HMBOX1: variants seen among roughly 807,000 people sequenced by gnomAD.
The protein encoded by HMBOX1 is homeobox containing 1.
In HMBOX1, 14 loss-of-function variants were observed where a neutral mutation model predicts 54.5. The observed-to-expected ratio is 0.26, with a 90% CI of 0.17 to 0.40. The LOEUF is 0.40. HMBOX1 is among the 10% of genes least tolerant of loss of function. The pLI is 1.00. For missense variants in HMBOX1, 332 were observed against 514.4 expected (o/e 0.65, Z 3.43); for synonymous variants, 160 against 181.0 (o/e 0.88, Z 0.93).
Position 29,009,097 on chromosome 8 carries a change from T to C in HMBOX1, c.612T>C (p.His204=). 1.2e-5 allele frequency: 20 copies of C among 1,613,522 alleles called. No homozygotes were observed. The highest frequency in any genetic ancestry group is 1.7e-5 in the Non-Finnish European group (20 of 1,179,478). The change falls in exon 5 of 10, where the codon CAT becomes CAC. Residue 204 remains histidine, a synonymous_variant. Coordinates refer to ENST00000287701, the MANE Select transcript of HMBOX1 (RefSeq NM_001135726.3). ...VTGISQSRIS[H]WLLQQGSDLS... The stretch of plus-strand genomic sequence containing the variant: ...GTATCAGTCAGAGCCGGATCTCTCA[T>C]TGGCTGTTGCAGCAGGGATCAGACC...
At chr8:28,975,949 A>C (rs1828285228) in intron 3 of HMBOX1, among the ~76,000 whole-genome samples, 1 of 152,182 alleles carries the variant, frequency 6.6e-6, no homozygotes, top group Non-Finnish European at 1.5e-5. Context: ...AAGAAGGCTG[A>C]ATGAGGAGAG....
intron 4 of HMBOX1, among the ~76,000 whole-genome samples, chr8:28,997,743 G>A (rs1832081561): frequency 6.6e-6 from 1 of 152,060 alleles, no homozygotes; most frequent in African/African-American, 2.4e-5. Flanking sequence ...CAGAGATGGT[G>A]TCTTCCTATG....
At chr8:28,900,269 A>ATATATATATATATATATAT (rs1422463025) in intron 1 of HMBOX1, among the ~76,000 whole-genome samples, 39 of 69,152 alleles carry the variant, frequency 5.6e-4, no homozygotes, top group Non-Finnish European at 1.0e-3. Flanking sequence ...AAAAAAAAAA[A>ATATATATATATATATATAT]AAATATATAT....
intron 6 of HMBOX1, among the ~76,000 whole-genome samples, chr8:29,041,387 T>C (rs1012402566): frequency 6.6e-6 from 1 of 152,124 alleles, no homozygotes; most frequent in Non-Finnish European, 1.5e-5. Context: ...ATCCATTTCT[T>C]TTGGAGGCCC....
chr8:28,982,164 C>T (rs563114552), intron 4 of HMBOX1, among the ~76,000 whole-genome samples: 4 of 152,244 alleles, frequency 2.6e-5, no homozygotes, highest in Admixed American at 2.0e-4. Context: ...ACCTGGGAAG[C>T]GGAGCTTGCA....
chr8:28,928,982 AC>A (rs1039754404), intron 1 of HMBOX1, among the ~76,000 whole-genome samples: 57 of 152,224 alleles, frequency 3.7e-4, no homozygotes, highest in African/African-American at 1.4e-3. Context: ...TAAGATGAAT[AC>A]GTTCTGGAGA....
intron 4 of HMBOX1, among the ~76,000 whole-genome samples, chr8:28,980,820 C>T (rs7837373): frequency 0.056 from 8,572 of 152,006 alleles, 310 homozygotes; most frequent in Non-Finnish European, 0.082. Context: ...TTATAAGACC[C>T]TTAAAAAAAG....
chr8:29,023,923 T>C (rs1045346748), intron 6 of HMBOX1, among the ~76,000 whole-genome samples: 9 of 152,204 alleles, frequency 5.9e-5, no homozygotes, highest in Non-Finnish European at 4.4e-5. Flanking sequence ...GGCAGAGATA[T>C]ATTTTGAAAA....
At position 28,900,254 on chromosome 8, in the gene HMBOX1, CAA is replaced by C. The variant is rs1215445461; in HGVS notation, c.-58+9593_-58+9594del. ...TGGGCTACAGAGCAAGATTCCGTCT[CAA>C]AAAAAAAAAAAAAAAATATATATAT... On this transcript the variant is annotated intron_variant, in intron 1 of 9. Coordinates refer to ENST00000287701, the MANE Select transcript of HMBOX1 (RefSeq NM_001135726.3). 3.8e-3 allele frequency among the ~76,000 whole-genome samples: 360 copies of C among 94,874 alleles called. 4 individuals carry two copies. The highest frequency in any genetic ancestry group is 0.014 in the African/African-American group (336 of 24,242). 62.2% of individuals were successfully genotyped at this position (94,874 alleles called of 152,430 possible).
At chr8:28,943,993 A>G (rs537608154) in intron 1 of HMBOX1, among the ~76,000 whole-genome samples, 39 of 152,244 alleles carry the variant, frequency 2.6e-4, no homozygotes, top group Non-Finnish European at 4.3e-4. Context: ...TCTGCCCTCT[A>G]CTGTTGTACA....
At chr8:28,902,854 A>G (rs554929959) in intron 1 of HMBOX1, among the ~76,000 whole-genome samples, 12 of 152,332 alleles carry the variant, frequency 7.9e-5, no homozygotes, top group South Asian at 6.2e-4. Flanking sequence ...AAGAGCATGT[A>G]TGATGGAAAT....
intron 1 of HMBOX1, among the ~76,000 whole-genome samples, chr8:28,916,916 A>G (rs981504255): frequency 2.6e-5 from 4 of 152,164 alleles, no homozygotes; most frequent in African/African-American, 9.6e-5. Context: ...AAAATATAAA[A>G]ATTAGCCAAA....
chr8:29,005,250 A>G (rs916128381), intron 4 of HMBOX1, among the ~76,000 whole-genome samples: 11 of 152,322 alleles, frequency 7.2e-5, no homozygotes, highest in South Asian at 2.1e-4. Context: ...CTTTGCAACT[A>G]TTTGCTTGTA....
intron 4 of HMBOX1, among the ~76,000 whole-genome samples, chr8:28,990,107 C>G (rs1413916459): frequency 1.3e-5 from 2 of 151,978 alleles, no homozygotes; most frequent in Admixed American, 6.6e-5. Context: ...TTAGGATTTT[C>G]TATACAATCA....
intron 5 of HMBOX1, among the ~76,000 whole-genome samples, chr8:29,013,464 G>C (rs1355621341): frequency 1.3e-5 from 2 of 152,116 alleles, no homozygotes; most frequent in Non-Finnish European, 1.5e-5. Context: ...CTTCAGTCTG[G>C]ATCCAGTTGT....
intron 1 of HMBOX1, among the ~76,000 whole-genome samples, chr8:28,922,053 A>G (rs1055571827): frequency 6.6e-6 from 1 of 152,212 alleles, no homozygotes; most frequent in African/African-American, 2.4e-5. Context: ...TTGCCTGGAA[A>G]TATAGTTGGT....
intron 1 of HMBOX1, among the ~76,000 whole-genome samples, chr8:28,957,700 G>C (rs549462398): frequency 1.8e-4 from 28 of 152,302 alleles, no homozygotes; most frequent in African/African-American, 6.5e-4. Flanking sequence ...TCGGCTCACT[G>C]TAGCCCCAGC....
At chr8:29,035,369 A>G (rs985609493) in intron 6 of HMBOX1, among the ~76,000 whole-genome samples, 2 of 152,204 alleles carry the variant, frequency 1.3e-5, no homozygotes, top group African/African-American at 2.4e-5. Flanking sequence ...TTTAAAAAAA[A>G]GAATAGTCTC....
At chr8:28,934,525 C>A (rs1396395555) in intron 1 of HMBOX1, among the ~76,000 whole-genome samples, 1 of 152,170 alleles carries the variant, frequency 6.6e-6, no homozygotes, top group Non-Finnish European at 1.5e-5. Flanking sequence ...TGTCTCTATT[C>A]ACAGACAACC....
Sources: gnomAD v4.1 joint callset for allele counts (sites outside exome capture counted in the v4.1 genomes callset) on GRCh38, gnomAD v4.1.1 for gene constraint, MANE v1.5 for transcripts, NCBI Gene and HGNC (gene_info 2026-07-23, HGNC 2026-07-21) for gene names.